Variants in CIB2 observed in about 807,000 individuals in gnomAD.
CIB2 encodes the protein calcium and integrin binding family member 2.
A neutral mutation model predicts 23.1 loss-of-function variants in CIB2; 19 were observed. The observed-to-expected ratio is 0.82, with a 90% CI of 0.57 to 1.21. The LOEUF (loss-of-function observed/expected upper bound fraction) is 1.21. Among genes scored for constraint, CIB2 ranks in the 50% most tolerant of loss-of-function variants. CIB2 has a pLI of 0.00. For missense variants in CIB2, 220 were observed against 241.5 expected (o/e 0.91, Z 0.59); for synonymous variants, 94 against 91.7 (o/e 1.03, Z -0.14).
Position 78,121,354 on chromosome 15 carries a change from A to C in CIB2, c.86+2351T>G, listed in dbSNP as rs533319521. Among the ~76,000 whole-genome samples the C allele has an allele frequency of 1.7e-4, 26 of 152,232 alleles. No individual in the cohort carries two copies. In the East Asian group the frequency reaches 5.0e-3, roughly 29 times the overall value. ...GAGCCTAGGGTCCTGATGCGTGCAG[A>C]GGGGTGCAGGCCAGGGCTGTGGGGA... On this transcript the variant is annotated intron_variant, in intron 2 of 5. Coordinates refer to ENST00000258930, the MANE Select transcript of CIB2 (RefSeq NM_006383.4).
At chr15:78,123,643 G>A in intron 2 of CIB2, 62 bp downstream of exon 2, 2 of 1,574,628 alleles carry the variant, frequency 1.3e-6, no homozygotes, top group Non-Finnish European at 1.7e-6. Flanking sequence ...CATGTGGGGT[G>A]CCCCAGCCTC....
At chr15:78,108,020 A>G (rs1233398924) in intron 4 of CIB2, among the ~76,000 whole-genome samples, 1 of 151,892 alleles carries the variant, frequency 6.6e-6, no homozygotes, top group Non-Finnish European at 1.5e-5. Context: ...AAAATTACAA[A>G]AATTAGCCAG....
rs561324413 is a variant in CIB2 at position 78,109,564 on chromosome 15, A to G, written c.199-182T>C. On this transcript the variant is annotated intron_variant, in intron 3 of 5. Transcript: ENST00000258930. ...CTTAATTGGGTTGTGATGGGATTAA[A>G]TGAGCTAAAGTATGTAAGGTGTTGG... is the stretch of plus-strand genomic sequence containing the variant. 176 of 681,042 alleles carry G rather than the reference A, an allele frequency of 2.6e-4. 2 individuals are homozygous for G. The South Asian group carries it at 2.9e-3, about 11-fold the overall frequency. The allele number at this position is 681,042 out of a possible 1,614,324, so 42.2% of individuals were successfully genotyped here.
intron 1 of CIB2, among the ~76,000 whole-genome samples, chr15:78,127,969 T>C (rs3784330): frequency 0.28 from 43,133 of 152,152 alleles, 6,580 homozygotes; most frequent in African/African-American, 0.41. Context: ...CTTCAGAATC[T>C]TTGTCTAGAG....
At chr15:78,111,076 G>A (rs2074151329) in intron 3 of CIB2, 89 bp downstream of exon 3, 2 of 1,064,472 alleles carry the variant, frequency 1.9e-6, no homozygotes, top group Admixed American at 1.7e-5. Context: ...CACAAAGGGT[G>A]GAGCTGGGTT....
At chr15:78,119,865 C>T (rs1036883003) in intron 2 of CIB2, among the ~76,000 whole-genome samples, 1 of 151,656 alleles carries the variant, frequency 6.6e-6, no homozygotes, top group African/African-American at 2.4e-5. Flanking sequence ...GCCACTGCGC[C>T]TGGCCAATTT....
chr15:78,114,569 T>C (rs571677872), intron 2 of CIB2, among the ~76,000 whole-genome samples: 79 of 152,312 alleles, frequency 5.2e-4, no homozygotes, highest in Middle Eastern at 3.4e-3. Context: ...AGAACCCTGA[T>C]ACAAGAACCT....
intron 2 of CIB2, among the ~76,000 whole-genome samples, chr15:78,121,079 T>G (rs2074311388): frequency 6.6e-6 from 1 of 152,134 alleles, no homozygotes; most frequent in South Asian, 2.1e-4. Context: ...GAAACTGGAA[T>G]TGAGCCATCA....
rs1320184103 is a variant in CIB2 at position 78,105,010 on chromosome 15, TG to T, written c.*300del. 11 of 310,224 alleles carry T rather than the reference TG, an allele frequency of 3.5e-5. No individual in the cohort carries two copies. Among genetic ancestry groups the T allele is most frequent in the Admixed American group, 2.4e-4 (5 of 20,602 alleles). 19.2% of individuals were successfully genotyped at this position (310,224 alleles called of 1,614,324 possible). On this transcript the variant is annotated 3_prime_UTR_variant, in exon 6 of 6. Coordinates refer to ENST00000258930, the MANE Select transcript of CIB2 (RefSeq NM_006383.4). Reference sequence around the variant, plus strand: ...GTTGGGTTATCTGCTTTTCCCTCTTTGGGGGGGTGGGGAGCATTTCTGGAGT... The same window carrying T: ...GTTGGGTTATCTGCTTTTCCCTCTTTGGGGGGTGGGGAGCATTTCTGGAGT...
chr15:78,128,447 C>T (rs1489486228), intron 1 of CIB2, among the ~76,000 whole-genome samples: 1 of 152,174 alleles, frequency 6.6e-6, no homozygotes, highest in African/African-American at 2.4e-5. Flanking sequence ...GAGGCCAAGG[C>T]AGGTGGATCA....
At chr15:78,130,042 C>A (rs1269779422) in intron 1 of CIB2, among the ~76,000 whole-genome samples, 1 of 152,100 alleles carries the variant, frequency 6.6e-6, no homozygotes, top group African/African-American at 2.4e-5. Flanking sequence ...TTACCTTCAC[C>A]CACATCAGAG....
In CIB2 at chr15:78,115,890, A is replaced by G. The variant is rs140324283; in HGVS notation, c.87-4614T>C. ...ATACCCATCAATGTGGGATGCCTAT[A>G]ATCACCATTATTATATAACATTTCT... On this transcript the variant is annotated intron_variant, in intron 2 of 5. Transcript: ENST00000258930. Among the ~76,000 whole-genome samples the G allele has an allele frequency of 1.4e-4, 21 of 152,012 alleles. No individual in the cohort carries two copies. In the East Asian group the frequency reaches 4.1e-3, roughly 29 times the overall value.
At chr15:78,118,434 C>CA (rs1450014745) in intron 2 of CIB2, among the ~76,000 whole-genome samples, 1 of 151,756 alleles carries the variant, frequency 6.6e-6, no homozygotes, top group Non-Finnish European at 1.5e-5. Context: ...TACTAAAATA[C>CA]AAAAAACAGC....
At chr15:78,122,187 G>C (rs2074329360) in intron 2 of CIB2, among the ~76,000 whole-genome samples, 1 of 152,212 alleles carries the variant, frequency 6.6e-6, no homozygotes, top group Admixed American at 6.5e-5. Context: ...GCACTAGGGT[G>C]GCAGGGTGTT....
intron 2 of CIB2, chr15:78,120,746 C>T: frequency 3.0e-6 from 3 of 985,654 alleles, no homozygotes; most frequent in Non-Finnish European, 3.6e-6. Context: ...TGCCACAGAG[C>T]TGGGCCCCAA....
intron 5 of CIB2, 51 bp from the exon 6 acceptor site, chr15:78,105,383 G>A: frequency 6.2e-7 from 1 of 1,612,356 alleles, no homozygotes; most frequent in Non-Finnish European, 8.5e-7. Flanking sequence ...GGTCGGGCAG[G>A]TAAAGGCTCC....
chr15:78,122,547 C>T (rs1419212393), intron 2 of CIB2, among the ~76,000 whole-genome samples: 3 of 152,214 alleles, frequency 2.0e-5, no homozygotes, highest in Admixed American at 2.0e-4. Flanking sequence ...TCACCCCTGA[C>T]ATCTCTCAAG....
At chr15:78,107,911 C>A (rs1278737565) in intron 4 of CIB2, among the ~76,000 whole-genome samples, 2 of 152,162 alleles carry the variant, frequency 1.3e-5, no homozygotes, top group Non-Finnish European at 2.9e-5. Flanking sequence ...GTGGCTCACA[C>A]CTGTAATCAC....
intron 2 of CIB2, among the ~76,000 whole-genome samples, chr15:78,119,446 T>C (rs1054480386): frequency 1.3e-5 from 2 of 152,354 alleles, no homozygotes; most frequent in East Asian, 1.9e-4. Flanking sequence ...TACCCAGAAG[T>C]AGAATTGCTG....
Sources: allele counts gnomAD v4.1 joint callset (sites outside exome capture counted in the v4.1 genomes callset), GRCh38; gene constraint gnomAD v4.1.1; transcripts MANE v1.5; gene names NCBI Gene and HGNC (gene_info 2026-07-23, HGNC 2026-07-21).